DLG2: variants seen among roughly 807,000 people sequenced by gnomAD.
The protein encoded by DLG2 is discs large MAGUK scaffold protein 2.
In DLG2, 45 loss-of-function variants were observed where a neutral mutation model predicts 132.5. The ratio of observed to expected loss-of-function variants is 0.34; its 90% confidence interval spans 0.27 to 0.44. The LOEUF is 0.44. DLG2 is among the 20% of genes least tolerant of loss of function. The pLI, the probability that DLG2 is intolerant of heterozygous loss-of-function variation, is 1.00. For synonymous variants in DLG2, 424 were observed against 419.6 expected, an observed-to-expected ratio of 1.01 and a Z score of -0.13; for missense variants, 1,045 against 1,196.9, an observed-to-expected ratio of 0.87 and a Z score of 1.87.
rs574188672 is a variant in DLG2 at position 83,874,290 on chromosome 11, A to G, written c.1565+130T>C. On this transcript the variant is annotated intron_variant, in intron 16 of 27. Transcript: ENST00000376104. ...AAGGAAGGAAGGGGAGAAGGAAGGA[A>G]GGGAGGAAGGAAGGAAAGAAGGAAG... 8 of 456,100 alleles carry G rather than the reference A, an allele frequency of 1.8e-5. No homozygotes were observed. The East Asian group carries it at 2.9e-4, about 17-fold the overall frequency. 28.3% of individuals were successfully genotyped at this position (456,100 alleles called of 1,614,324 possible). A position where few individuals can be genotyped will look rare whatever the true frequency, so the allele number is the denominator to read the frequency against.
At chr11:84,297,664 T>C (rs1233961034) in intron 7 of DLG2, among the ~76,000 whole-genome samples, 1 of 152,056 alleles carries the variant, frequency 6.6e-6, no homozygotes, top group Non-Finnish European at 1.5e-5. Context: ...CAATACATCA[T>C]CTCATGTCTT....
intron 15 of DLG2, among the ~76,000 whole-genome samples, chr11:83,916,995 T>C (rs968145731): frequency 6.6e-6 from 1 of 152,262 alleles, no homozygotes; most frequent in East Asian, 1.9e-4. Flanking sequence ...GTGGAAAGTT[T>C]TCTGATTCAG....
intron 3 of DLG2, among the ~76,000 whole-genome samples, chr11:85,518,909 T>C (rs1473730289): frequency 6.6e-6 from 1 of 151,990 alleles, no homozygotes; most frequent in Non-Finnish European, 1.5e-5. Flanking sequence ...CTTCAGAGGG[T>C]AGAAGCCCCA....
chr11:85,352,292 TTC>T (rs2083354059), intron 3 of DLG2, among the ~76,000 whole-genome samples: 1 of 152,220 alleles, frequency 6.6e-6, no homozygotes, highest in Non-Finnish European at 1.5e-5. Context: ...TATTTGATTC[TTC>T]TCTCTTTTCT....
intron 3 of DLG2, among the ~76,000 whole-genome samples, chr11:85,509,110 T>C (rs1242330780): frequency 6.6e-6 from 1 of 152,084 alleles, no homozygotes; most frequent in African/African-American, 2.4e-5. Context: ...ATGATTTCAC[T>C]TACACAGAAA....
chr11:83,667,299 G>A (rs980574906), intron 18 of DLG2, among the ~76,000 whole-genome samples: 2 of 152,138 alleles, frequency 1.3e-5, no homozygotes, highest in African/African-American at 2.4e-5. Flanking sequence ...AGCAAACTCT[G>A]TCCTACCTAC....
At chr11:84,205,811 C>G (rs11233945) in intron 8 of DLG2, among the ~76,000 whole-genome samples, 4,031 of 151,800 alleles carry the variant, frequency 0.027, 151 homozygotes, top group African/African-American at 0.09. Context: ...ATGGTATATT[C>G]AAAGTAACTA....
intron 5 of DLG2, among the ~76,000 whole-genome samples, chr11:85,129,234 G>T (rs1262314257): frequency 1.3e-5 from 2 of 152,130 alleles, no homozygotes; most frequent in African/African-American, 4.8e-5. Context: ...GACAAGACTT[G>T]GGATCCATGT....
chr11:85,628,080 G>C (rs1245725792), upstream of DLG2, among the ~76,000 whole-genome samples: 1 of 152,168 alleles, frequency 6.6e-6, no homozygotes, highest in Non-Finnish European at 1.5e-5. Context: ...AGACTGGGGA[G>C]AGGAGTCAGA....
At chr11:84,462,266 T>C (rs2099082326) in intron 7 of DLG2, among the ~76,000 whole-genome samples, 2 of 151,114 alleles carry the variant, frequency 1.3e-5, no homozygotes, top group African/African-American at 4.8e-5. Flanking sequence ...CAATTTACAA[T>C]CTTCCTGGAA....
chr11:84,845,804 T>G (rs1015191753), intron 6 of DLG2, among the ~76,000 whole-genome samples: 1 of 151,630 alleles, frequency 6.6e-6, no homozygotes, highest in African/African-American at 2.4e-5. Flanking sequence ...CTCAGCCTCT[T>G]GAGTAGCTGG....
intron 15 of DLG2, among the ~76,000 whole-genome samples, chr11:83,920,334 G>C (rs1270347874): frequency 1.0e-5 from 1 of 97,708 alleles, no homozygotes; most frequent in Non-Finnish European, 2.0e-5. Flanking sequence ...AGGGTTGATA[G>C]GGAAGGTTTA....
At chr11:85,381,884 C>T (rs545602463) in intron 3 of DLG2, among the ~76,000 whole-genome samples, 16 of 151,988 alleles carry the variant, frequency 1.1e-4, no homozygotes, top group South Asian at 8.3e-4. Flanking sequence ...TGAATTAGAA[C>T]GCAATATTGT....
At chr11:84,219,101 G>A (rs984655735) in intron 8 of DLG2, among the ~76,000 whole-genome samples, 8 of 152,102 alleles carry the variant, frequency 5.3e-5, no homozygotes, top group African/African-American at 1.2e-4. Flanking sequence ...GTCAAGATGC[G>A]CTGACTCTAC....
chr11:83,889,673 G>A (rs983353140), intron 15 of DLG2, among the ~76,000 whole-genome samples: 3 of 151,734 alleles, frequency 2.0e-5, no homozygotes, highest in Non-Finnish European at 2.9e-5. Flanking sequence ...TGTTTATTTC[G>A]GCACTATTCA....
At chr11:84,328,387 A>G (rs1404880397) in intron 7 of DLG2, among the ~76,000 whole-genome samples, 1 of 152,158 alleles carries the variant, frequency 6.6e-6, no homozygotes, top group Non-Finnish European at 1.5e-5. Flanking sequence ...TAAAAAGATA[A>G]TTAAAACACA....
chr11:84,189,528 T>A lies in DLG2; in HGVS notation c.574-26017A>T, dbSNP rs117208869. Among the ~76,000 whole-genome samples, 815 of 152,268 alleles carry A rather than the reference T, an allele frequency of 5.4e-3. 4 individuals are homozygous for A. Among genetic ancestry groups the A allele is most frequent in the Non-Finnish European group, 8.9e-3 (608 of 68,034 alleles). On this transcript the variant is annotated intron_variant, in intron 8 of 27. Coordinates refer to ENST00000376104, the MANE Select transcript of DLG2 (RefSeq NM_001142699.3). ...TATAAAGATACATGCAAGTGTGTGT[T>A]CACTACAACACTATTTACAATAGCA...
intron 3 of DLG2, among the ~76,000 whole-genome samples, chr11:85,503,226 TTTAAGG>T (rs2093846254): frequency 1.3e-5 from 2 of 152,148 alleles, no homozygotes; most frequent in South Asian, 4.1e-4. Flanking sequence ...ATTCAAGCTT[TTTAAGG>T]TTAAGTTTTA....
intron 3 of DLG2, among the ~76,000 whole-genome samples, chr11:85,555,240 G>A (rs1241733170): frequency 6.6e-6 from 1 of 151,832 alleles, no homozygotes; most frequent in Non-Finnish European, 1.5e-5. Context: ...TTAAGATATT[G>A]AATCAGAAGT....
Sources: gnomAD v4.1 joint callset for allele counts (sites outside exome capture counted in the v4.1 genomes callset) on GRCh38, gnomAD v4.1.1 for gene constraint, MANE v1.5 for transcripts, NCBI Gene and HGNC (gene_info 2026-07-23, HGNC 2026-07-21) for gene names.